TNR: variants seen among roughly 807,000 people sequenced by gnomAD.
TNR encodes tenascin R.
Under a neutral mutation model 150.4 loss-of-function variants are expected in TNR, and 45 were observed. That is an observed-to-expected ratio of 0.30 (90% CI 0.24 to 0.38). TNR has a LOEUF of 0.38. TNR is among the 10% of genes least tolerant of loss of function. The probability of loss-of-function intolerance (pLI) is 1.00; values close to 1 mark genes in which losing one functional copy is unlikely to be tolerated. For missense variants in TNR, 1,544 were observed against 1,759.1 expected, an observed-to-expected ratio of 0.88 and a Z score of 2.19; for synonymous variants, 687 against 678.4, an observed-to-expected ratio of 1.01 and a Z score of -0.20.
At chr1:175,417,067 G>GA (rs1332462418) in intron 2 of TNR, among the ~76,000 whole-genome samples, 2 of 130,222 alleles carry the variant, frequency 1.5e-5, no homozygotes, top group Admixed American at 1.6e-4. Flanking sequence ...AAGAAAGAAA[G>GA]AAAGAAAGAA....
intron 1 of TNR, among the ~76,000 whole-genome samples, chr1:175,691,238 A>G (rs910053063): frequency 1.3e-5 from 2 of 151,864 alleles, no homozygotes; most frequent in African/African-American, 2.4e-5. Flanking sequence ...AGGTAGGAAG[A>G]AAACCTAGAG....
rs533957856 is a variant in TNR at position 175,415,242 on chromosome 1, C to T, written c.-63-8465G>A. ...GGAGAAAGAGGGTAATTATGAAAGACGAGGGTGTAATGTGATTACAGCCGG... is the reference window on the plus strand; with the variant it reads ...GGAGAAAGAGGGTAATTATGAAAGATGAGGGTGTAATGTGATTACAGCCGG... On this transcript the variant is annotated intron_variant, in intron 2 of 22. Coordinates refer to ENST00000367674, the MANE Select transcript of TNR (RefSeq NM_003285.3). Among the ~76,000 whole-genome samples the T allele has an allele frequency of 3.5e-3, 523 of 151,316 alleles. 4 individuals are homozygous for T. Among genetic ancestry groups the T allele is most frequent in the Admixed American group, 7.1e-3 (107 of 15,154 alleles).
At position 175,454,586 on chromosome 1, in the gene TNR, C is replaced by A. The variant is rs1656478977; in HGVS notation, c.-63-47809G>T. On this transcript the variant is annotated intron_variant, in intron 2 of 22. Coordinates refer to ENST00000367674, the MANE Select transcript of TNR (RefSeq NM_003285.3). ...TCCTGGGTTCAAGCGATTCTCCTGC[C>A]TCAGCCTCTGGAGTAGCTGGGATTA... Among the ~76,000 whole-genome samples the A allele has an allele frequency of 4.6e-5, 7 of 152,228 alleles. 1 individual carries two copies. Among genetic ancestry groups the A allele is most frequent in the Admixed American group, 3.9e-4 (6 of 15,290 alleles).
intron 2 of TNR, among the ~76,000 whole-genome samples, chr1:175,412,297 A>G (rs1355670367): frequency 2.0e-5 from 3 of 152,198 alleles, no homozygotes; most frequent in Admixed American, 2.0e-4. Flanking sequence ...TTACAAGTCA[A>G]CACTCTTCTC....
At chr1:175,628,467 A>G (rs951700286) in intron 1 of TNR, among the ~76,000 whole-genome samples, 1 of 152,130 alleles carries the variant, frequency 6.6e-6, no homozygotes, top group Non-Finnish European at 1.5e-5. Flanking sequence ...ATACATATGT[A>G]ACAAACCTGC....
At chr1:175,557,598 C>T (rs569853531) in intron 1 of TNR, among the ~76,000 whole-genome samples, 16 of 151,928 alleles carry the variant, frequency 1.1e-4, no homozygotes, top group South Asian at 2.1e-4. Flanking sequence ...GTTAGAATGG[C>T]AATCATTAAA....
At chr1:175,393,690 G>C in intron 6 of TNR, 90 bp downstream of exon 6, 1 of 1,005,034 alleles carries the variant, frequency 9.9e-7, no homozygotes, top group Non-Finnish European at 1.6e-6. Context: ...AGAGATATTG[G>C]GTAGCACTTT....
At chr1:175,399,106 TTC>T (rs1470823498) in intron 4 of TNR, among the ~76,000 whole-genome samples, 5 of 152,246 alleles carry the variant, frequency 3.3e-5, no homozygotes, top group Non-Finnish European at 7.3e-5. Flanking sequence ...TTAGGAATAA[TTC>T]AGACGATCTT....
At chr1:175,412,314 G>C (rs947949351) in intron 2 of TNR, among the ~76,000 whole-genome samples, 2 of 152,026 alleles carry the variant, frequency 1.3e-5, no homozygotes, top group East Asian at 1.9e-4. Context: ...TCTCCCCCTG[G>C]GTTCAGATTT....
intron 2 of TNR, among the ~76,000 whole-genome samples, chr1:175,469,632 G>A (rs909740382): frequency 6.6e-6 from 1 of 151,964 alleles, no homozygotes; most frequent in African/African-American, 2.4e-5. Context: ...TTGGTAACTA[G>A]AGGGACGGGG....
At chr1:175,367,186 C>A (rs1193420902) in intron 10 of TNR, 22 bp downstream of exon 10, 1 of 1,612,196 alleles carries the variant, frequency 6.2e-7, no homozygotes, top group Non-Finnish European at 8.5e-7. Context: ...TGGTCTTCTT[C>A]CTCAGCAGTC....
In TNR at chr1:175,586,034, T is replaced by G. The variant is rs948851236; in HGVS notation, c.-164-57665A>C. Among the ~76,000 whole-genome samples the G allele has an allele frequency of 5.9e-5, 9 of 152,334 alleles. 1 individual carries two copies. In the South Asian group the frequency reaches 8.3e-4, roughly 14 times the overall value. On this transcript the variant is annotated intron_variant, in intron 1 of 22. Coordinates refer to ENST00000367674, the MANE Select transcript of TNR (RefSeq NM_003285.3). Reference sequence around the variant, plus strand: ...GCTTTGATCTAAAATAAGTGACTAATAAGTAATGAGGCAATGTTAATACAG... The same window carrying G: ...GCTTTGATCTAAAATAAGTGACTAAGAAGTAATGAGGCAATGTTAATACAG...
In TNR at chr1:175,688,864, G is replaced by C. The variant is rs564508735; in HGVS notation, c.-165+54362C>G. On this transcript the variant is annotated intron_variant, in intron 1 of 22. Transcript: ENST00000367674. The stretch of plus-strand genomic sequence containing the variant: ...CAGAGAGTTTCTTCCATGCTGCAAG[G>C]CCAAGGCCATGTCTTTTATGACAGA... 3.3e-5 allele frequency among the ~76,000 whole-genome samples: 5 copies of C among 152,324 alleles called. No individual in the cohort carries two copies. The East Asian group carries it at 9.7e-4, about 29-fold the overall frequency.
chr1:175,536,660 T>C (rs115806094), intron 1 of TNR, among the ~76,000 whole-genome samples: 3,001 of 152,322 alleles, frequency 0.02, 50 homozygotes, highest in Non-Finnish European at 0.031. Flanking sequence ...TATCCACTGA[T>C]GCCTGGAAGT....
chr1:175,424,717 C>T (rs1654894195), intron 2 of TNR, among the ~76,000 whole-genome samples: 1 of 152,118 alleles, frequency 6.6e-6, no homozygotes, highest in Non-Finnish European at 1.5e-5. Flanking sequence ...AGACAGGCTA[C>T]ATAGGGATGC....
intron 2 of TNR, among the ~76,000 whole-genome samples, chr1:175,427,652 G>A (rs1056117707): frequency 7.2e-6 from 1 of 138,150 alleles, no homozygotes; most frequent in Admixed American, 7.5e-5. Flanking sequence ...TATGAGAAGT[G>A]TTTTGTTTCC....
At chr1:175,586,569 G>A (rs1261499524) in intron 1 of TNR, among the ~76,000 whole-genome samples, 1 of 152,128 alleles carries the variant, frequency 6.6e-6, no homozygotes, top group Non-Finnish European at 1.5e-5. Context: ...GCCTCCCAAA[G>A]TGCTGGGACT....
chr1:175,604,848 A>G (rs1199624186), intron 1 of TNR, among the ~76,000 whole-genome samples: 1 of 152,188 alleles, frequency 6.6e-6, no homozygotes, highest in South Asian at 2.1e-4. Flanking sequence ...ATGACCACCT[A>G]TGATAGAAAT....
intron 18 of TNR, among the ~76,000 whole-genome samples, chr1:175,339,504 C>T (rs1225989167): frequency 6.6e-6 from 1 of 152,196 alleles, no homozygotes; most frequent in Non-Finnish European, 1.5e-5. Context: ...TGTGAGCTGT[C>T]TCTGTCTCCT....
Sources: gnomAD v4.1 joint callset for allele counts (sites outside exome capture counted in the v4.1 genomes callset) on GRCh38, gnomAD v4.1.1 for gene constraint, MANE v1.5 for transcripts, NCBI Gene and HGNC (gene_info 2026-07-23, HGNC 2026-07-21) for gene names.